Variants in KDELR1 observed in about 807,000 individuals in gnomAD.
KDELR1 encodes the protein KDEL endoplasmic reticulum protein retention receptor 1.
In KDELR1, 16 loss-of-function variants were observed where a neutral mutation model predicts 25.5. That is an observed-to-expected ratio of 0.63 (90% CI 0.43 to 0.95). The LOEUF is 0.95. Ranked by LOEUF, KDELR1 falls within the 40% of genes least tolerant of loss-of-function variation. The pLI, the probability that KDELR1 is intolerant of heterozygous loss-of-function variation, is 0.00. For synonymous variants in KDELR1, 121 were observed against 115.0 expected, an observed-to-expected ratio of 1.05 and a Z score of -0.33; for missense variants, 159 against 265.2, an observed-to-expected ratio of 0.60 and a Z score of 2.78.
At chr19:48,393,078 G>A (rs1475345367), upstream of KDELR1, among the ~76,000 whole-genome samples, 3 of 152,206 alleles carry the variant, frequency 2.0e-5, no homozygotes, top group African/African-American at 7.2e-5. This position sits in a 1 kb window ranked among gnomAD's most constrained non-coding sequence, Gnocchi z 5.6. Context: ...AGGACGGGGT[G>A]CCCAAGGGTG....
chr19:48,383,490 C>T lies in KDELR1; in HGVS notation c.605-163G>A, dbSNP rs184598579. Among the ~76,000 whole-genome samples the T allele has an allele frequency of 2.6e-5, 4 of 152,158 alleles. No individual in the cohort carries two copies. The East Asian group carries it at 7.7e-4, about 29-fold the overall frequency. On this transcript the variant is annotated intron_variant, in intron 4 of 4. Coordinates refer to ENST00000330720, the MANE Select transcript of KDELR1 (RefSeq NM_006801.3). ...CATTCCTGGTTTCTTTCCTTCCTAC[C>T]CTTTCTCACTACTGGCAATTTTCTT...
chr19:48,393,871 G>A (rs1240390653), upstream of KDELR1, among the ~76,000 whole-genome samples: 1 of 151,994 alleles, frequency 6.6e-6, no homozygotes, highest in Non-Finnish European at 1.5e-5. The surrounding 1 kb of genome is among the most constrained non-coding windows in gnomAD (Gnocchi z 5.6). Context: ...TCTGCCCGGT[G>A]AGGATCTGTG....
chr19:48,383,901 G>A (rs1260927135), intron 4 of KDELR1, among the ~76,000 whole-genome samples: 4 of 152,142 alleles, frequency 2.6e-5, no homozygotes, highest in Non-Finnish European at 5.9e-5. Flanking sequence ...TGTATCCCCA[G>A]AGCCTAGCAC....
upstream of KDELR1, among the ~76,000 whole-genome samples, chr19:48,393,204 G>A (rs1474354085): frequency 2.0e-5 from 3 of 151,836 alleles, no homozygotes; most frequent in Non-Finnish European, 2.9e-5. The surrounding 1 kb of genome is among the most constrained non-coding windows in gnomAD (Gnocchi z 5.6). Context: ...GGTCCCAGTA[G>A]AGAAGGGGAC....
At chr19:48,385,928 A>G (rs1970492485) in intron 3 of KDELR1, among the ~76,000 whole-genome samples, 1 of 152,148 alleles carries the variant, frequency 6.6e-6, no homozygotes, top group Non-Finnish European at 1.5e-5. Context: ...CCACTGAAGC[A>G]CGTAGAGTCC....
chr19:48,385,314 G>A (rs867849133), intron 3 of KDELR1, among the ~76,000 whole-genome samples: 1 of 152,158 alleles, frequency 6.6e-6, no homozygotes, highest in South Asian at 2.1e-4. Context: ...CCTCCCGAGA[G>A]GGACCCTCCC....
chr19:48,395,903 C>T (rs1452036365), upstream of KDELR1, among the ~76,000 whole-genome samples: 2 of 151,926 alleles, frequency 1.3e-5, no homozygotes, highest in Non-Finnish European at 2.9e-5. Flanking sequence ...CACTGGAGTT[C>T]CAGAGTCTTG....
chr19:48,390,549 G>T, intron 1 of KDELR1, 25 bp from the exon 2 acceptor site: 2 of 1,388,286 alleles, frequency 1.4e-6, no homozygotes, highest in Non-Finnish European at 2.0e-6. Flanking sequence ...CAGAGAAAGA[G>T]AGAGAGAGAG....
chr19:48,396,950 T>A, the KDELR1 span, among the ~76,000 whole-genome samples: 1 of 152,058 alleles, frequency 6.6e-6, no homozygotes, highest in Non-Finnish European at 1.5e-5. Context: ...AGTGCCCTCC[T>A]CCCTCAGTCC....
upstream of KDELR1, among the ~76,000 whole-genome samples, chr19:48,395,226 G>T (rs1970623699): frequency 6.6e-6 from 1 of 151,006 alleles, no homozygotes; most frequent in Non-Finnish European, 1.5e-5. Flanking sequence ...CCATATCCCT[G>T]TGCCTCCATC....
intron 3 of KDELR1, among the ~76,000 whole-genome samples, chr19:48,387,264 C>T (rs912507024): frequency 6.6e-6 from 1 of 151,974 alleles, no homozygotes; most frequent in African/African-American, 2.4e-5. Flanking sequence ...TTTGCAAAGT[C>T]CAGGGCCTGG....
chr19:48,391,600 C>G, upstream of KDELR1: 1 of 518,354 alleles, frequency 1.9e-6, no homozygotes, highest in Non-Finnish European at 3.5e-6. Context: ...GGCTCCGCCC[C>G]CGAGGGCGGG....
Position 48,390,494 on chromosome 19 carries a change from G to A in KDELR1, c.122C>T (p.Ala41Val), listed in dbSNP as rs1208364092. The A allele has an allele frequency of 1.2e-6, 2 of 1,613,948 alleles. No homozygotes were observed. Among genetic ancestry groups the A allele is most frequent in the South Asian group, 1.1e-5 (1 of 91,072 alleles). The change falls in exon 2 of 5, where the codon GCT (alanine) becomes GTT (valine). Residue 41 changes from alanine (A) to valine (V), a missense_variant. By Grantham distance (64) the Ala-to-Val change is moderately conservative (BLOSUM62 0). Transcript: ENST00000330720. ...CAGATATCGGGCAGTGAACACCACA[G>A]CAAACAGGACCTGGCTCTTCCCTGA... ...GISGKSQVLFAVVFTARYLDL... is the reference protein window; with the variant it reads ...GISGKSQVLFVVVFTARYLDL...
intron 1 of KDELR1, among the ~76,000 whole-genome samples, 198 bp downstream of exon 1, chr19:48,391,070 T>G (rs1970544868): frequency 6.6e-6 from 1 of 152,018 alleles, no homozygotes; most frequent in Non-Finnish European, 1.5e-5. Flanking sequence ...GCCATTCACA[T>G]GAAACTGTAT....
chr19:48,393,543 C>T (rs550737174), upstream of KDELR1, among the ~76,000 whole-genome samples: 2 of 152,242 alleles, frequency 1.3e-5, no homozygotes, highest in East Asian at 1.9e-4. This position sits in a 1 kb window ranked among gnomAD's most constrained non-coding sequence, Gnocchi z 5.6. Context: ...AAGGCAGAGG[C>T]TGGTAGCTAG....
chr19:48,391,613 C>G, upstream of KDELR1: 1 of 502,732 alleles, frequency 2.0e-6, no homozygotes, highest in Middle Eastern at 5.4e-4. Context: ...AGGGCGGGGC[C>G]TGGATCCCCG....
intron 3 of KDELR1, among the ~76,000 whole-genome samples, chr19:48,385,309 C>T (rs1304708577): frequency 7.9e-5 from 12 of 152,318 alleles, no homozygotes; most frequent in South Asian, 4.1e-4. Context: ...AGTCACCTCC[C>T]GAGAGGGACC....
intron 3 of KDELR1, among the ~76,000 whole-genome samples, chr19:48,388,538 T>A (rs1307576848): frequency 6.6e-6 from 1 of 151,848 alleles, no homozygotes; most frequent in East Asian, 1.9e-4. Context: ...ATACAAAAAA[T>A]AACCTGGCTT....
At chr19:48,393,786 C>T (rs916822093), upstream of KDELR1, among the ~76,000 whole-genome samples, 11 of 152,308 alleles carry the variant, frequency 7.2e-5, no homozygotes, top group Middle Eastern at 3.4e-3. This position sits in a 1 kb window ranked among gnomAD's most constrained non-coding sequence, Gnocchi z 5.6. Flanking sequence ...CAGCCTCCCT[C>T]GGCCACCGGT....
Sources: allele counts gnomAD v4.1 joint callset (sites outside exome capture counted in the v4.1 genomes callset), GRCh38; gene constraint gnomAD v4.1.1; non-coding constraint Gnocchi (gnomAD v3.1); transcripts MANE v1.5; gene names NCBI Gene and HGNC (gene_info 2026-07-23, HGNC 2026-07-21).